SUPT3H: variants seen among roughly 807,000 people sequenced by gnomAD.
SUPT3H encodes transcription initiation protein SPT3 homolog.
Under a neutral mutation model 44.3 loss-of-function variants are expected in SUPT3H, and 44 were observed. The observed-to-expected ratio is 0.99, with a 90% confidence interval of 0.78 to 1.28. The LOEUF is 1.28. SUPT3H is among the 50% of genes most tolerant of loss of function. The pLI, the probability that SUPT3H is intolerant of heterozygous loss-of-function variation, is 0.00. For synonymous variants in SUPT3H, 124 were observed against 125.6 expected (o/e 0.99, Z 0.09); for missense variants, 380 against 387.1 (o/e 0.98, Z 0.15).
intron 3 of SUPT3H, among the ~76,000 whole-genome samples, chr6:45,065,521 G>A (rs1163759955): frequency 1.3e-5 from 2 of 151,556 alleles, no homozygotes; most frequent in East Asian, 1.9e-4. Flanking sequence ...GAATCCAGGA[G>A]CTGGTTTTTT....
At chr6:45,065,107 T>C (rs2153546278) in intron 3 of SUPT3H, among the ~76,000 whole-genome samples, 1 of 151,150 alleles carries the variant, frequency 6.6e-6, no homozygotes, top group South Asian at 2.1e-4. Flanking sequence ...TATAACAAAC[T>C]ATCTCTCAGA....
chr6:45,254,552 G>A (rs907212864), intron 2 of SUPT3H, among the ~76,000 whole-genome samples: 66 of 152,306 alleles, frequency 4.3e-4, no homozygotes, highest in African/African-American at 1.5e-3. Context: ...AAAAGTGACA[G>A]TTTTATTGTT....
intron 2 of SUPT3H, among the ~76,000 whole-genome samples, chr6:45,189,087 C>T (rs1235484567): frequency 6.6e-6 from 1 of 151,918 alleles, no homozygotes; most frequent in Non-Finnish European, 1.5e-5. Flanking sequence ...CAGGCATGAG[C>T]CACCAGATCC....
intron 10 of SUPT3H, among the ~76,000 whole-genome samples, chr6:44,857,593 T>C (rs940918600): frequency 6.6e-6 from 1 of 152,248 alleles, no homozygotes; most frequent in Non-Finnish European, 1.5e-5. Flanking sequence ...GCTATTATTA[T>C]GTAGCATTAT....
chr6:45,032,464 T>A (rs1254866525), intron 3 of SUPT3H, among the ~76,000 whole-genome samples: 2 of 152,130 alleles, frequency 1.3e-5, no homozygotes, highest in Admixed American at 1.3e-4. Flanking sequence ...CATTTTTGGC[T>A]AGGGAGAAGT....
intron 3 of SUPT3H, among the ~76,000 whole-genome samples, chr6:45,055,056 G>A (rs772901286): frequency 2.6e-5 from 4 of 151,942 alleles, no homozygotes; most frequent in Non-Finnish European, 5.9e-5. Flanking sequence ...AACTTGAGCA[G>A]AGACTTCAGT....
At chr6:45,189,832 C>T (rs1404405534) in intron 2 of SUPT3H, among the ~76,000 whole-genome samples, 1 of 152,152 alleles carries the variant, frequency 6.6e-6, no homozygotes, top group Non-Finnish European at 1.5e-5. Flanking sequence ...TCCTTGATGT[C>T]CCAAGTTATA....
intron 10 of SUPT3H, among the ~76,000 whole-genome samples, chr6:44,904,049 C>A (rs1172695869): frequency 6.6e-6 from 1 of 152,132 alleles, no homozygotes; most frequent in Non-Finnish European, 1.5e-5. Context: ...TAAGAGCTAT[C>A]TATGACAAAC....
At chr6:45,284,390 A>C (rs1038706168) in intron 2 of SUPT3H, among the ~76,000 whole-genome samples, 1 of 152,228 alleles carries the variant, frequency 6.6e-6, no homozygotes, top group African/African-American at 2.4e-5. Flanking sequence ...AAATACATGC[A>C]ATAAAAAATG....
chr6:44,992,050 C>T (rs1780686013), intron 6 of SUPT3H, among the ~76,000 whole-genome samples: 1 of 152,120 alleles, frequency 6.6e-6, no homozygotes, highest in South Asian at 2.1e-4. Context: ...GTTATTACAA[C>T]AACCACAATT....
intron 10 of SUPT3H, among the ~76,000 whole-genome samples, chr6:44,902,231 A>G (rs1213899659): frequency 6.6e-6 from 1 of 152,206 alleles, no homozygotes; most frequent in Non-Finnish European, 1.5e-5. Context: ...AGACTGGCAA[A>G]TTGGATAAAG....
In SUPT3H at chr6:45,072,319, T is replaced by G. The variant is rs564524298; in HGVS notation, c.186+33603A>C. Among the ~76,000 whole-genome samples, 15 of 152,238 alleles carry G rather than the reference T, an allele frequency of 9.9e-5. No individual in the cohort carries two copies. In the South Asian group the frequency reaches 1.0e-3, roughly 11 times the overall value. ...TAAGAAAAAAAAGACACAATGAAAA[T>G]TAAACTGATAAAATGTTTTCTTTTC... On this transcript the variant is annotated intron_variant, in intron 3 of 10. Coordinates refer to ENST00000371459, the MANE Select transcript of SUPT3H (RefSeq NM_003599.4).
At chr6:44,822,302 CG>C (rs1420385700), downstream of SUPT3H, among the ~76,000 whole-genome samples, 1 of 152,112 alleles carries the variant, frequency 6.6e-6, no homozygotes, top group Non-Finnish European at 1.5e-5. Flanking sequence ...GAGTAGCTTC[CG>C]GTTCACAAAA....
intron 2 of SUPT3H, among the ~76,000 whole-genome samples, chr6:45,295,670 A>G (rs1048756726): frequency 6.6e-6 from 1 of 152,144 alleles, no homozygotes; most frequent in Non-Finnish European, 1.5e-5. Flanking sequence ...CAAGAAAAAA[A>G]CAATCCCATC....
intron 2 of SUPT3H, among the ~76,000 whole-genome samples, chr6:45,126,760 A>G (rs1802491697): frequency 6.6e-6 from 1 of 152,238 alleles, no homozygotes; most frequent in South Asian, 2.1e-4. Context: ...AGGATAAAAT[A>G]GGTACTGTAT....
At chr6:45,192,408 G>A (rs1815292850) in intron 2 of SUPT3H, among the ~76,000 whole-genome samples, 1 of 151,998 alleles carries the variant, frequency 6.6e-6, no homozygotes, top group African/African-American at 2.4e-5. Context: ...AAATGAGAAT[G>A]GTTAACTTGG....
intron 2 of SUPT3H, among the ~76,000 whole-genome samples, chr6:45,301,599 A>C (rs977984834): frequency 7.9e-5 from 12 of 152,074 alleles, no homozygotes; most frequent in Admixed American, 3.9e-4. Context: ...TGGTTCTTCT[A>C]ATTTATGTCC....
chr6:44,959,535 AC>A (rs1775703899), intron 7 of SUPT3H, among the ~76,000 whole-genome samples: 1 of 152,102 alleles, frequency 6.6e-6, no homozygotes, highest in Non-Finnish European at 1.5e-5. Context: ...TACCAATTAT[AC>A]ATTTTAATTA....
At chr6:45,136,567 C>T (rs997275123) in intron 2 of SUPT3H, among the ~76,000 whole-genome samples, 3 of 150,332 alleles carry the variant, frequency 2.0e-5, no homozygotes, top group Middle Eastern at 3.2e-3. Flanking sequence ...AGTATAACAA[C>T]AATAATCCAC....
Sources: allele counts gnomAD v4.1 joint callset (sites outside exome capture counted in the v4.1 genomes callset), GRCh38; gene constraint gnomAD v4.1.1; transcripts MANE v1.5; gene names NCBI Gene and HGNC (gene_info 2026-07-23, HGNC 2026-07-21).